Variants in CREBBP observed in about 807,000 individuals in gnomAD.
CREBBP encodes CREB binding lysine acetyltransferase.
In CREBBP, 19 loss-of-function variants were observed where a neutral mutation model predicts 265.0. The observed-to-expected ratio is 0.07, with a 90% confidence interval of 0.05 to 0.11. The LOEUF (loss-of-function observed/expected upper bound fraction) is 0.11, where lower values mean the gene tolerates loss of function less well. Ranked by LOEUF, CREBBP falls within the 10% of genes least tolerant of loss-of-function variation. CREBBP has a pLI of 1.00. For synonymous variants in CREBBP, 1,457 were observed against 1,223.7 expected (o/e 1.19, Z -3.98); for missense variants, 2,525 against 3,219.0 (o/e 0.78, Z 5.22).
chr16:3,869,370 G>C (rs2055245336), intron 1 of CREBBP, among the ~76,000 whole-genome samples: 1 of 152,182 alleles, frequency 6.6e-6, no homozygotes, highest in Non-Finnish European at 1.5e-5. Flanking sequence ...GAATAATCCT[G>C]AACAGTGTGA....
intron 1 of CREBBP, among the ~76,000 whole-genome samples, chr16:3,863,867 G>GT (rs968609412): frequency 1.4e-4 from 21 of 152,286 alleles, no homozygotes; most frequent in Middle Eastern, 3.4e-3. Flanking sequence ...CCAGAACACA[G>GT]TAATGACCCA....
chr16:3,728,920 G>T lies in CREBBP; in HGVS notation c.6127C>A (p.Gln2043Lys). The T allele has an allele frequency of 6.2e-7, 1 of 1,605,786 alleles. No individual in the cohort carries two copies. The highest frequency in any genetic ancestry group is 8.5e-7 in the Non-Finnish European group (1 of 1,179,132). Residue 2043 changes from glutamine (Q) to lysine (K), a missense_variant, in exon 31 of 31, where the codon CAG becomes AAG. Gln to Lys is a moderately conservative substitution (Grantham distance 53). This residue lies in a region of CREBBP where 275 missense variants were observed against 276.5 expected (regional missense o/e 0.99). Coordinates refer to ENST00000262367, the MANE Select transcript of CREBBP (RefSeq NM_004380.3). The surrounding 1 kb of genome is among the most constrained non-coding windows in gnomAD (Gnocchi z 8.7). ...GGCCCAGCCACGGCCGCCTGGGCCTGCATGGATATCACAGGCCTGGGCAAG... is the reference window on the plus strand; with the variant it reads ...GGCCCAGCCACGGCCGCCTGGGCCTTCATGGATATCACAGGCCTGGGCAAG... ...PGLPRPVISM[Q>K]AQAAVAGPRM...
chr16:3,759,597 A>AAAAAAAAAAAAAAAAAAAAAC (rs2052665088), intron 16 of CREBBP, among the ~76,000 whole-genome samples: 1 of 151,866 alleles, frequency 6.6e-6, no homozygotes, highest in African/African-American at 2.4e-5. Context: ...CCAAAAAAAA[A>AAAAAAAAAAAAAAAAAAAAAC]AGACCATTTC....
intron 3 of CREBBP, among the ~76,000 whole-genome samples, chr16:3,798,878 A>T (rs746737384): frequency 6.6e-6 from 1 of 152,256 alleles, no homozygotes; most frequent in Non-Finnish European, 1.5e-5. Flanking sequence ...CGAAAACTGT[A>T]AAAAATGTTC....
intron 2 of CREBBP, among the ~76,000 whole-genome samples, chr16:3,843,423 ATT>A (rs71133662): frequency 2.8e-5 from 4 of 141,766 alleles, no homozygotes; most frequent in Non-Finnish European, 3.0e-5. Flanking sequence ...GTTGTCAAAG[ATT>A]TTTTTTTTTT....
chr16:3,839,265 G>A (rs1346752059), intron 2 of CREBBP, among the ~76,000 whole-genome samples: 1 of 152,246 alleles, frequency 6.6e-6, no homozygotes, highest in African/African-American at 2.4e-5. Flanking sequence ...CACTACATCT[G>A]CAGAAGGCAG....
At chr16:3,776,945 G>C (rs2053154059) in intron 11 of CREBBP, among the ~76,000 whole-genome samples, 1 of 152,102 alleles carries the variant, frequency 6.6e-6, no homozygotes, top group South Asian at 2.1e-4. Context: ...ATGAACCCGG[G>C]AGGCGGAGCT....
intron 10 of CREBBP, 166 bp from the exon 11 acceptor site, chr16:3,777,823 C>A: frequency 1.9e-6 from 2 of 1,075,108 alleles, no homozygotes; most frequent in South Asian, 2.6e-5. Context: ...TGTAAAGGGC[C>A]TTCCCAAGAG....
chr16:3,810,822 A>C, intron 2 of CREBBP, 43 bp from the exon 3 acceptor site: 2 of 1,599,928 alleles, frequency 1.3e-6, no homozygotes, highest in Non-Finnish European at 1.7e-6. Flanking sequence ...TGACGCAGTC[A>C]ATATAAAAGG....
chr16:3,824,570 C>T (rs957385406), intron 2 of CREBBP, among the ~76,000 whole-genome samples: 18 of 152,218 alleles, frequency 1.2e-4, no homozygotes, highest in African/African-American at 4.3e-4. Flanking sequence ...GGAACAAACG[C>T]TGCTCTGATC....
In CREBBP at chr16:3,727,192, G is replaced by A. The variant is rs552303879; in HGVS notation, c.*526C>T. 1 of 246,918 alleles carries A rather than the reference G, an allele frequency of 4.0e-6. No homozygotes were observed. The highest frequency in any genetic ancestry group is 7.9e-6 in the Non-Finnish European group (1 of 126,878). 15.3% of individuals were successfully genotyped at this position (246,918 alleles called of 1,614,324 possible). A position where few individuals can be genotyped will look rare whatever the true frequency, so the allele number is the denominator to read the frequency against. On this transcript the variant is annotated 3_prime_UTR_variant, in exon 31 of 31. Coordinates refer to ENST00000262367, the MANE Select transcript of CREBBP (RefSeq NM_004380.3). ...CCGGAGTCAATTCCTATCATCCAGG[G>A]TAATACTGGGAGACGCCCACAGAGT...
rs375330023 is a variant in CREBBP at position 3,774,829 on chromosome 16, A to T, written c.2159-136T>A. The T allele has an allele frequency of 5.7e-4, 655 of 1,159,076 alleles. 1 individual carries two copies. The African/African-American group carries it at 9.1e-3, about 16-fold the overall frequency. 71.8% of individuals were successfully genotyped at this position (1,159,076 alleles called of 1,614,324 possible). On this transcript the variant is annotated intron_variant, in intron 11 of 30. Transcript: ENST00000262367. ...AAAACTGAAAAGAAATCACCCAATTAATCAATGAAGATGATGAAGGAACAG... is the reference window on the plus strand; with the variant it reads ...AAAACTGAAAAGAAATCACCCAATTTATCAATGAAGATGATGAAGGAACAG...
intron 5 of CREBBP, among the ~76,000 whole-genome samples, chr16:3,788,348 G>C (rs918145196): frequency 3.9e-5 from 6 of 152,136 alleles, no homozygotes; most frequent in Admixed American, 6.5e-5. Flanking sequence ...GTCTCAAATG[G>C]GGGCCCAATT....
At chr16:3,730,007 G>C (rs1567263917) in intron 30 of CREBBP, 133 bp from the exon 31 acceptor site, 1 of 1,455,290 alleles carries the variant, frequency 6.9e-7, no homozygotes, top group African/African-American at 1.4e-5. Flanking sequence ...ACCCAGACAG[G>C]ATGCGAGCAC....
chr16:3,757,418 T>C (rs1320385350), intron 18 of CREBBP, 42 bp from the exon 19 acceptor site: 2 of 1,437,898 alleles, frequency 1.4e-6, no homozygotes, highest in East Asian at 4.8e-5. Flanking sequence ...AAAAATACAT[T>C]CCATTTACTG....
At chr16:3,844,254 T>G (rs1427495229) in intron 2 of CREBBP, among the ~76,000 whole-genome samples, 1 of 151,960 alleles carries the variant, frequency 6.6e-6, no homozygotes, top group Non-Finnish European at 1.5e-5. Context: ...ATGGATCAAT[T>G]TCATCACTGA....
At chr16:3,779,659 T>G (rs531461308) in intron 8 of CREBBP, among the ~76,000 whole-genome samples, 2 of 152,316 alleles carry the variant, frequency 1.3e-5, no homozygotes, top group South Asian at 4.1e-4. Context: ...CATCAATATT[T>G]TGCTATTAAC....
chr16:3,839,550 C>T (rs1056243226), intron 2 of CREBBP, among the ~76,000 whole-genome samples: 7 of 151,726 alleles, frequency 4.6e-5, no homozygotes, highest in African/African-American at 1.7e-4. Flanking sequence ...GGCATGCTGG[C>T]GCATGCCTGT....
rs2151303831 is a variant in CREBBP, at chr16:3,728,581, G to A, written c.6466C>T (p.Pro2156Ser). Residue 2156 changes from proline (P) to serine (S), a missense_variant, in exon 31 of 31, where the codon CCA (proline) becomes TCA (serine). Physicochemically the swap from Pro to Ser is moderately conservative, Grantham distance 74. Around this residue, in one of 19 missense-constraint regions of CREBBP, gnomAD observed 473 missense variants for 459.3 expected, o/e 1.03. Coordinates refer to ENST00000262367, the MANE Select transcript of CREBBP (RefSeq NM_004380.3). This position sits in a 1 kb window ranked among gnomAD's most constrained non-coding sequence, Gnocchi z 8.7. ...AGGCCTCCCATCGCCTGCTGCTGTG[G>A]AGGCACACCGGGCCGCGGCACGCCA... ...QAGVPRPGVPPQQQAMGGLNP... is the reference protein window; with the variant it reads ...QAGVPRPGVPSQQQAMGGLNP... 6.2e-7 allele frequency: 1 copy of A among 1,613,976 alleles called. No homozygotes were observed. Among genetic ancestry groups the A allele is most frequent in the Non-Finnish European group, 8.5e-7 (1 of 1,179,994 alleles).
Sources: allele counts gnomAD v4.1 joint callset (sites outside exome capture counted in the v4.1 genomes callset), GRCh38; gene constraint gnomAD v4.1.1; regional missense constraint gnomAD v4.1.1; non-coding constraint Gnocchi (gnomAD v3.1); transcripts MANE v1.5; gene names NCBI Gene and HGNC (gene_info 2026-07-23, HGNC 2026-07-21).